The following STYK1 variants were observed in gnomAD, a reference collection of about 807,000 sequenced individuals.
The protein encoded by STYK1 is STY kinase 1, also known as tyrosine-protein kinase STYK1.
STYK1 carries 46 observed loss-of-function variants against 48.1 expected under a neutral mutation model. That is an observed-to-expected ratio of 0.96 (90% CI 0.75 to 1.22). The LOEUF is 1.22. STYK1 is among the 50% of genes most tolerant of loss of function. The probability of loss-of-function intolerance (pLI) is 0.00; values close to 1 mark genes in which losing one functional copy is unlikely to be tolerated. For missense variants in STYK1, 527 were observed against 521.1 expected, an observed-to-expected ratio of 1.01 and a Z score of -0.11; for synonymous variants, 188 against 189.0, an observed-to-expected ratio of 0.99 and a Z score of 0.04.
At chr12:10,669,534 A>G (rs903645293) in intron 1 of STYK1, among the ~76,000 whole-genome samples, 6 of 152,246 alleles carry the variant, frequency 3.9e-5, no homozygotes, top group Admixed American at 6.5e-5. Flanking sequence ...AAGTACTAGA[A>G]GAGAACACAG....
chr12:10,628,801 A>G lies in STYK1; in HGVS notation c.633+692T>C, dbSNP rs140133655. On this transcript the variant is annotated intron_variant, in intron 6 of 10. Coordinates refer to ENST00000075503, the MANE Select transcript of STYK1 (RefSeq NM_018423.3). Reference sequence around the variant, plus strand: ...CGTGAGTTTGAGCTACAAAAGCTTTACAAGCTAAATTTCTCCCTGAGTTTG... The same window carrying G: ...CGTGAGTTTGAGCTACAAAAGCTTTGCAAGCTAAATTTCTCCCTGAGTTTG... Among the ~76,000 whole-genome samples the G allele has an allele frequency of 2.6e-5, 4 of 152,362 alleles. No homozygotes were observed. The East Asian group carries it at 5.8e-4, about 22-fold the overall frequency.
intron 1 of STYK1, among the ~76,000 whole-genome samples, chr12:10,656,840 A>C (rs772804824): frequency 6.6e-6 from 1 of 152,212 alleles, no homozygotes; most frequent in African/African-American, 2.4e-5. Context: ...AAAGGGGATA[A>C]ATAAATCCCT....
chr12:10,629,613 CA>C lies in STYK1; in HGVS notation c.512del (p.Leu171ArgfsTer43). 1.1e-5 allele frequency: 18 copies of C among 1,614,140 alleles called. No homozygotes were observed. The highest frequency in any genetic ancestry group is 1.5e-5 in the Non-Finnish European group (18 of 1,180,026). Reference sequence around the variant, plus strand: ...GCTGCACCAGGTTTTTGTGTTTCCCCAGGTATTGATGGAATTGGATTCGCCC... The same window carrying C: ...GCTGCACCAGGTTTTTGTGTTTCCCCGGTATTGATGGAATTGGATTCGCCC... ...FLGRIQFHQY[L>X]GKHKNLVQLE... is the part of the protein sequence containing the mutation. On this transcript the variant is annotated frameshift_variant, in exon 6 of 11. Transcript: ENST00000075503. LOFTEE classifies it high-confidence loss of function.
At chr12:10,655,530 A>G (rs1387622877) in intron 1 of STYK1, among the ~76,000 whole-genome samples, 2 of 152,214 alleles carry the variant, frequency 1.3e-5, no homozygotes, top group Non-Finnish European at 2.9e-5. Context: ...GGGAATGAGT[A>G]CTTTCAGGTT....
intron 6 of STYK1, among the ~76,000 whole-genome samples, chr12:10,628,600 T>A (rs1487272705): frequency 6.6e-6 from 1 of 152,196 alleles, no homozygotes; most frequent in Non-Finnish European, 1.5e-5. Flanking sequence ...CACATTCAGT[T>A]GTACAATAAT....
At position 10,625,206 on chromosome 12, in the gene STYK1, TTTTGTTTG is replaced by T. The variant is rs56034548; in HGVS notation, c.718-355_718-348del. ...GAGTAGATTCCAAGTTTCTTTCTTT[TTTTGTTTG>T]TTTGTTTGTTTGTTTGTTTGTTTGA... On this transcript the variant is annotated intron_variant, in intron 7 of 10. Transcript: ENST00000075503. Among the ~76,000 whole-genome samples the T allele has an allele frequency of 4.4e-3, 643 of 145,970 alleles. 3 individuals carry two copies. Among genetic ancestry groups the T allele is most frequent in the African/African-American group, 0.013 (522 of 39,838 alleles).
intron 1 of STYK1, among the ~76,000 whole-genome samples, chr12:10,660,263 A>G (rs765680019): frequency 6.6e-6 from 1 of 152,184 alleles, no homozygotes; most frequent in Admixed American, 6.5e-5. Context: ...TCCAGATATT[A>G]CCTTTTGTGG....
At chr12:10,635,240 T>TCC (rs1228584182) in intron 2 of STYK1, among the ~76,000 whole-genome samples, 1 of 151,826 alleles carries the variant, frequency 6.6e-6, no homozygotes, top group Non-Finnish European at 1.5e-5. Flanking sequence ...CCTGCCTCAA[T>TCC]CCCCTGAGTC....
At chr12:10,656,534 A>G (rs918951621) in intron 1 of STYK1, among the ~76,000 whole-genome samples, 53 of 152,174 alleles carry the variant, frequency 3.5e-4, no homozygotes, top group Non-Finnish European at 6.2e-4. Context: ...CTGAGGCAGG[A>G]GAATGGCATG....
At chr12:10,655,937 G>A (rs544801157) in intron 1 of STYK1, among the ~76,000 whole-genome samples, 1 of 152,158 alleles carries the variant, frequency 6.6e-6, no homozygotes, top group Admixed American at 6.5e-5. Context: ...TTATTTCTCT[G>A]AGGAAAAAGT....
chr12:10,621,317 C>A (rs1460963147), intron 10 of STYK1, among the ~76,000 whole-genome samples: 1 of 152,116 alleles, frequency 6.6e-6, no homozygotes, highest in Non-Finnish European at 1.5e-5. Flanking sequence ...AATATTGGAT[C>A]CTCCTTCTGC....
chr12:10,670,423 C>T (rs1947879490), intron 1 of STYK1, among the ~76,000 whole-genome samples: 1 of 151,988 alleles, frequency 6.6e-6, no homozygotes, highest in Non-Finnish European at 1.5e-5. Flanking sequence ...TGGAAATTGA[C>T]AACATGGATG....
intron 1 of STYK1, among the ~76,000 whole-genome samples, chr12:10,654,499 C>T (rs1201320029): frequency 6.6e-6 from 1 of 152,160 alleles, no homozygotes; most frequent in Non-Finnish European, 1.5e-5. Flanking sequence ...TGAGGAGAAT[C>T]CTATGGACCC....
intron 1 of STYK1, among the ~76,000 whole-genome samples, chr12:10,656,355 G>A (rs893234126): frequency 8.5e-5 from 13 of 152,162 alleles, no homozygotes; most frequent in Admixed American, 3.3e-4. Flanking sequence ...GGCTGAGTGC[G>A]GTGGCTCACA....
rs2120642785 is a variant in STYK1, at chr12:10,631,139, C to A, written c.357G>T (p.Gln119His). 1 of 1,614,222 alleles carries A rather than the reference C, an allele frequency of 6.2e-7. No individual in the cohort carries two copies. The highest frequency in any genetic ancestry group is 2.2e-5 in the East Asian group (1 of 44,888). ...PREQLSEVLE[Q>H]ICSGSCGPIF... is the part of the protein sequence containing the mutation. ...TGGGCCCACAGCTACCACTGCAAATCTGCTCCAGAACTTCAGAGAGTTGCT... is the reference window on the plus strand; with the variant it reads ...TGGGCCCACAGCTACCACTGCAAATATGCTCCAGAACTTCAGAGAGTTGCT... Residue 119 changes from glutamine (Q) to histidine (H), a missense_variant, in exon 5 of 11, where the codon CAG becomes CAT. Transcript: ENST00000075503.
At chr12:10,671,439 C>A (rs1488018948) in intron 1 of STYK1, among the ~76,000 whole-genome samples, 1 of 137,412 alleles carries the variant, frequency 7.3e-6, no homozygotes, top group Non-Finnish European at 1.5e-5. Flanking sequence ...GTGAGAAAGG[C>A]AAAAGTGAGC....
rs61912181 is a variant in STYK1, at chr12:10,657,553, G to A, written c.-195+16413C>T. ...AATGTCTTCCAAATTTAGACATTTGGTCTAAATTAGGCAGATCAGATAATT... is the reference window on the plus strand; with the variant it reads ...AATGTCTTCCAAATTTAGACATTTGATCTAAATTAGGCAGATCAGATAATT... On this transcript the variant is annotated intron_variant, in intron 1 of 10. Coordinates refer to ENST00000075503, the MANE Select transcript of STYK1 (RefSeq NM_018423.3). 3.2e-3 allele frequency among the ~76,000 whole-genome samples: 489 copies of A among 152,306 alleles called. 2 individuals are homozygous for A. Among genetic ancestry groups the A allele is most frequent in the Non-Finnish European group, 4.7e-3 (318 of 68,024 alleles).
chr12:10,661,954 C>T (rs2125098), intron 1 of STYK1, among the ~76,000 whole-genome samples: 148,191 of 152,282 alleles, frequency 0.97, 72,225 homozygotes, highest in East Asian at 1. Context: ...ATCACCACTA[C>T]CTTATTTTAG....
intron 1 of STYK1, among the ~76,000 whole-genome samples, chr12:10,673,233 C>T (rs1039269117): frequency 6.6e-6 from 1 of 152,070 alleles, no homozygotes. Flanking sequence ...AATAAATAGC[C>T]GGCCGTGGTG....
Sources: gnomAD v4.1 joint callset for allele counts (sites outside exome capture counted in the v4.1 genomes callset) on GRCh38, gnomAD v4.1.1 for gene constraint, MANE v1.5 for transcripts, NCBI Gene and HGNC (gene_info 2026-07-23, HGNC 2026-07-21) for gene names.